Variants in SETD2 observed in about 807,000 individuals in gnomAD.
The protein encoded by SETD2 is SET domain containing 2, histone lysine methyltransferase, also known as histone-lysine N-methyltransferase SETD2.
Under a neutral mutation model 242.1 loss-of-function variants are expected in SETD2, and 31 were observed. The ratio of observed to expected loss-of-function variants is 0.13; its 90% confidence interval spans 0.10 to 0.17. The LOEUF is 0.17. Among genes scored for constraint, SETD2 ranks in the 10% least tolerant of loss-of-function variants. The probability of loss-of-function intolerance (pLI) is 1.00; values close to 1 mark genes in which losing one functional copy is unlikely to be tolerated. For missense variants in SETD2, 2,481 were observed against 3,046.3 expected, an observed-to-expected ratio of 0.81 and a Z score of 4.37; for synonymous variants, 1,006 against 1,066.5, an observed-to-expected ratio of 0.94 and a Z score of 1.11.
intron 1 of SETD2, among the ~76,000 whole-genome samples, chr3:47,137,001 A>G (rs2043602967): frequency 6.6e-6 from 1 of 152,132 alleles, no homozygotes; most frequent in Non-Finnish European, 1.5e-5. Flanking sequence ...TATTTGGGTA[A>G]TGGGCACACT....
At chr3:47,124,875 C>G (rs1187365947) in intron 2 of SETD2, among the ~76,000 whole-genome samples, 2 of 152,032 alleles carry the variant, frequency 1.3e-5, no homozygotes, top group Non-Finnish European at 2.9e-5. Flanking sequence ...TTTTTAAAAA[C>G]CTGACATATG....
intron 5 of SETD2, 108 bp downstream of exon 5, chr3:47,113,768 G>A (rs1480033532): frequency 5.8e-6 from 6 of 1,025,936 alleles, no homozygotes; most frequent in Non-Finnish European, 8.4e-6. Context: ...GAATCCGGGA[G>A]GTAGAGGTTC....
rs780960497 is a variant in SETD2 at position 47,101,450 on chromosome 3, A to G, written c.5015+8T>C. 4 of 1,564,892 alleles carry G rather than the reference A, an allele frequency of 2.6e-6. No individual in the cohort carries two copies. In the East Asian group the frequency reaches 6.7e-5, roughly 26 times the overall value. Reference sequence around the variant, plus strand: ...AGAAGCAGCAAAATTAGTAGAAACAATACTTACCCATATCTCTGGAACTGA... The same window carrying G: ...AGAAGCAGCAAAATTAGTAGAAACAGTACTTACCCATATCTCTGGAACTGA... On this transcript the variant is annotated splice_region_variant and intron_variant, in intron 8 of 20. Transcript: ENST00000409792.
At chr3:47,090,226 GAC>G (rs1310926934) in intron 9 of SETD2, among the ~76,000 whole-genome samples, 4 of 151,930 alleles carry the variant, frequency 2.6e-5, no homozygotes, top group Non-Finnish European at 5.9e-5. Context: ...TAGCCTGAGC[GAC>G]AGAGTGAGAC....
intron 7 of SETD2, among the ~76,000 whole-genome samples, chr3:47,102,772 CAAAAAAAAA>C (rs5848821): frequency 2.0e-5 from 2 of 97,940 alleles, no homozygotes; most frequent in Admixed American, 1.1e-4. Context: ...CCAGCCTGGG[CAAAAAAAAA>C]AAAAAAAAAA....
intron 15 of SETD2, among the ~76,000 whole-genome samples, chr3:47,054,453 TA>T (rs2039972328): frequency 6.6e-6 from 1 of 152,192 alleles, no homozygotes; most frequent in East Asian, 1.9e-4. Context: ...GGGATAGACA[TA>T]AACCATTTTT....
chr3:47,046,818 TTTAC>T (rs1204279527), intron 15 of SETD2, 197 bp from the exon 16 acceptor site: 1 of 376,024 alleles, frequency 2.7e-6, no homozygotes, highest in Admixed American at 4.4e-5. Context: ...TCCCTATTCA[TTTAC>T]TTACTTTGAT....
At position 47,122,522 on chromosome 3, in the gene SETD2, G is replaced by A. The variant is rs552010664; in HGVS notation, c.2114C>T (p.Ser705Leu). The A allele has an allele frequency of 2.3e-5, 37 of 1,614,028 alleles. 1 individual carries two copies. Among genetic ancestry groups the A allele is most frequent in the South Asian group, 2.2e-4 (20 of 91,070 alleles). ...TGCTTTGACCAAAGGGGATAATTCCGATCCAGTCACACTATCATCAGAAGT... is the reference window on the plus strand; with the variant it reads ...TGCTTTGACCAAAGGGGATAATTCCAATCCAGTCACACTATCATCAGAAGT... ...LMTSDDSVTGSELSPLVKACM... is the reference protein window; with the variant it reads ...LMTSDDSVTGLELSPLVKACM... Residue 705 changes from serine to leucine, a missense_variant, in exon 3 of 21, where the codon TCG becomes TTG. Physicochemically the swap from Ser to Leu is moderately radical, Grantham distance 145 (BLOSUM62 -2). Coordinates refer to ENST00000409792, the MANE Select transcript of SETD2 (RefSeq NM_014159.7).
In SETD2 at chr3:47,163,936, G is replaced by A; in HGVS notation, c.-12C>T. 7.7e-7 allele frequency: 1 copy of A among 1,292,140 alleles called. No individual in the cohort carries two copies. Among genetic ancestry groups the A allele is most frequent in the Non-Finnish European group, 9.9e-7 (1 of 1,014,452 alleles). 80.0% of individuals were successfully genotyped at this position (1,292,140 alleles called of 1,614,324 possible). ...TGCAGCTGCTTCATCGGGAGCGGCT[G>A]GAGACGGCGACGCGAGCCCCCTCCC... On this transcript the variant is annotated 5_prime_UTR_variant, in exon 1 of 21. Transcript: ENST00000409792.
At chr3:47,067,816 G>A (rs370254675) in intron 12 of SETD2, among the ~76,000 whole-genome samples, 1 of 152,136 alleles carries the variant, frequency 6.6e-6, no homozygotes, top group African/African-American at 2.4e-5. Context: ...TATGTGTAAA[G>A]ACAATTCCTA....
chr3:47,153,664 G>C (rs918138389), intron 1 of SETD2, among the ~76,000 whole-genome samples: 1 of 151,636 alleles, frequency 6.6e-6, no homozygotes, highest in Non-Finnish European at 1.5e-5. Context: ...GAGGCAGGAG[G>C]ATTGCTTGAG....
chr3:47,085,049 A>G (rs1183537622), intron 11 of SETD2, among the ~76,000 whole-genome samples: 1 of 152,022 alleles, frequency 6.6e-6, no homozygotes, highest in African/African-American at 2.4e-5. Context: ...GACTTTTTCA[A>G]TTTCTGGATG....
intron 3 of SETD2, among the ~76,000 whole-genome samples, chr3:47,117,875 C>A (rs1223379282): frequency 3.9e-5 from 6 of 152,144 alleles, no homozygotes; most frequent in African/African-American, 1.4e-4. Flanking sequence ...GTCTTTTACC[C>A]TGGTCTAAAA....
chr3:47,158,261 G>A (rs1044272809), intron 1 of SETD2, among the ~76,000 whole-genome samples: 1 of 152,122 alleles, frequency 6.6e-6, no homozygotes, highest in African/African-American at 2.4e-5. Flanking sequence ...AGTGGATTTT[G>A]ATATAATGAT....
intron 12 of SETD2, among the ~76,000 whole-genome samples, chr3:47,079,904 A>G (rs7641068): frequency 6.6e-6 from 1 of 152,236 alleles, no homozygotes; most frequent in Non-Finnish European, 1.5e-5. Flanking sequence ...ATGTTGCTGT[A>G]GCTAAAACAG....
chr3:47,126,406 C>A (rs1191915577), intron 2 of SETD2, among the ~76,000 whole-genome samples: 2 of 152,198 alleles, frequency 1.3e-5, no homozygotes, highest in African/African-American at 4.8e-5. Context: ...GAACTTCCAA[C>A]TTTCTCTACC....
intron 7 of SETD2, among the ~76,000 whole-genome samples, chr3:47,102,789 A>AG (rs1296750391): frequency 4.6e-5 from 7 of 151,708 alleles, no homozygotes; most frequent in African/African-American, 1.7e-4. Flanking sequence ...AAAAAAAAAA[A>AG]AAAGATACAA....
chr3:47,081,109 AG>A, intron 12 of SETD2: 1 of 985,564 alleles, frequency 1.0e-6, no homozygotes, highest in Non-Finnish European at 1.2e-6. Context: ...TCAAGTTACA[AG>A]GGGGATCATC....
chr3:47,113,476 T>C (rs554746210), intron 5 of SETD2, among the ~76,000 whole-genome samples: 10 of 152,156 alleles, frequency 6.6e-5, no homozygotes, highest in Non-Finnish European at 1.2e-4. Flanking sequence ...ATAATAATCA[T>C]CATTAAACCT....
Sources: gnomAD v4.1 joint callset for allele counts (sites outside exome capture counted in the v4.1 genomes callset) on GRCh38, gnomAD v4.1.1 for gene constraint, MANE v1.5 for transcripts, NCBI Gene and HGNC (gene_info 2026-07-23, HGNC 2026-07-21) for gene names.